The following TENM4 variants were observed in gnomAD, a reference collection of about 807,000 sequenced individuals.
TENM4 encodes the protein teneurin-4.
A neutral mutation model predicts 243.3 loss-of-function variants in TENM4; 82 were observed. That is an observed-to-expected ratio of 0.34 (90% CI 0.28 to 0.40). The LOEUF (loss-of-function observed/expected upper bound fraction) is 0.40, where lower values mean the gene tolerates loss of function less well. Among genes scored for constraint, TENM4 ranks in the 10% least tolerant of loss-of-function variants. TENM4 has a pLI of 1.00. For synonymous variants in TENM4, 1,412 were observed against 1,456.3 expected (o/e 0.97, Z 0.69); for missense variants, 3,138 against 3,673.3 (o/e 0.85, Z 3.77).
intron 12 of TENM4, among the ~76,000 whole-genome samples, chr11:78,850,086 T>TGTGC (rs5792822): frequency 3.9e-5 from 6 of 152,028 alleles, no homozygotes; most frequent in Non-Finnish European, 7.4e-5. Context: ...TGTGTGTGTG[T>TGTGC]AAATGCATCT....
intron 4 of TENM4, among the ~76,000 whole-genome samples, chr11:79,135,957 G>A (rs973737601): frequency 4.0e-5 from 6 of 151,756 alleles, no homozygotes; most frequent in Admixed American, 6.6e-5. Context: ...AACATTGTAT[G>A]TTCTCACTGG....
At chr11:79,116,194 TGG>T (rs1156547786) in intron 4 of TENM4, among the ~76,000 whole-genome samples, 2 of 152,210 alleles carry the variant, frequency 1.3e-5, no homozygotes, top group Non-Finnish European at 2.9e-5. Flanking sequence ...TGTTGTTGGG[TGG>T]GCATAGTAAA....
chr11:79,176,617 C>A (rs1196183281), intron 3 of TENM4, among the ~76,000 whole-genome samples: 2 of 152,186 alleles, frequency 1.3e-5, no homozygotes, highest in Non-Finnish European at 2.9e-5. Context: ...TTTACTCCTT[C>A]ATTTTTTAGT....
At chr11:78,881,029 A>T (rs1052981530) in intron 9 of TENM4, among the ~76,000 whole-genome samples, 5 of 152,202 alleles carry the variant, frequency 3.3e-5, no homozygotes, top group African/African-American at 1.2e-4. Context: ...ACAGTAGTAC[A>T]CTTAAAATGT....
At chr11:78,983,344 T>C (rs1244673372) in intron 6 of TENM4, among the ~76,000 whole-genome samples, 3 of 152,210 alleles carry the variant, frequency 2.0e-5, no homozygotes, top group African/African-American at 7.2e-5. Context: ...CAAACACTCT[T>C]AGTGCCTTAT....
chr11:78,831,757 G>A (rs1393519792), intron 12 of TENM4, among the ~76,000 whole-genome samples: 1 of 152,152 alleles, frequency 6.6e-6, no homozygotes, highest in Non-Finnish European at 1.5e-5. Flanking sequence ...AAGGCTCAAA[G>A]CAGCTTTATT....
In TENM4 at chr11:78,854,218, G is replaced by A. The variant is rs1405767852; in HGVS notation, c.1567C>T (p.Pro523Ser). 3 of 1,551,436 alleles carry A rather than the reference G, an allele frequency of 1.9e-6. No homozygotes were observed. Among genetic ancestry groups the A allele is most frequent in the East Asian group, 4.9e-5 (2 of 40,928 alleles). The part of the protein sequence containing the change: ...TPRQSRGTVP[P>S]SSHETGFIQY... ...ATGAAGCCTGTCTCATGGCTGGAGG[G>A]GGGCACAGTTCCCCGAGACTGGCGC... Residue 523 changes from proline to serine, a missense_variant, in exon 12 of 34, where the codon CCC (proline) becomes TCC (serine). Physicochemically the swap from Pro to Ser is moderately conservative, Grantham distance 74. Coordinates refer to ENST00000278550, the MANE Select transcript of TENM4 (RefSeq NM_001098816.3).
chr11:78,904,687 G>A (rs945107701), intron 6 of TENM4, among the ~76,000 whole-genome samples: 1 of 152,136 alleles, frequency 6.6e-6, no homozygotes, highest in African/African-American at 2.4e-5. Context: ...AGAACATTGA[G>A]ATACTTTATT....
At chr11:79,220,493 G>C (rs918251631) in intron 2 of TENM4, among the ~76,000 whole-genome samples, 4 of 152,134 alleles carry the variant, frequency 2.6e-5, no homozygotes, top group Admixed American at 1.3e-4. Flanking sequence ...TAATGGACTA[G>C]AGAGAATAAG....
chr11:79,389,398 CCTT>C (rs2135538180), intron 1 of TENM4, among the ~76,000 whole-genome samples: 1 of 152,324 alleles, frequency 6.6e-6, no homozygotes, highest in South Asian at 2.1e-4. Flanking sequence ...CTCAAGCAAT[CCTT>C]CTGCCTTGGC....
At chr11:79,049,254 C>A (rs1461225269) in intron 6 of TENM4, among the ~76,000 whole-genome samples, 2 of 152,182 alleles carry the variant, frequency 1.3e-5, no homozygotes, top group African/African-American at 2.4e-5. Flanking sequence ...CTGTGAGAGT[C>A]ATTTGGACAC....
chr11:79,001,138 C>T (rs1858312676), intron 6 of TENM4, among the ~76,000 whole-genome samples: 1 of 152,172 alleles, frequency 6.6e-6, no homozygotes, highest in Admixed American at 6.5e-5. Context: ...GATAAAAAAG[C>T]AAGATCCAAT....
chr11:79,347,096 A>C (rs772523334), intron 1 of TENM4, among the ~76,000 whole-genome samples: 5 of 152,206 alleles, frequency 3.3e-5, no homozygotes, highest in Non-Finnish European at 7.3e-5. Context: ...TTTCGCTTCC[A>C]AAATCAAAGG....
At chr11:79,052,755 A>T (rs1346565838) in intron 6 of TENM4, among the ~76,000 whole-genome samples, 1 of 152,186 alleles carries the variant, frequency 6.6e-6, no homozygotes, top group Non-Finnish European at 1.5e-5. Context: ...TTCAGCTGCC[A>T]CTGTGGCCAG....
intron 6 of TENM4, among the ~76,000 whole-genome samples, chr11:78,946,758 G>A (rs1210514057): frequency 2.0e-5 from 3 of 152,158 alleles, no homozygotes; most frequent in Admixed American, 6.5e-5. Context: ...CAGCTCTCAC[G>A]GGTGACTTTG....
chr11:78,760,726 C>G (rs1167231475), intron 18 of TENM4, among the ~76,000 whole-genome samples: 1 of 152,166 alleles, frequency 6.6e-6, no homozygotes, highest in Non-Finnish European at 1.5e-5. Flanking sequence ...CCCTTTCTCT[C>G]TAGTCTTCAG....
At chr11:79,121,538 C>A (rs572002571) in intron 4 of TENM4, among the ~76,000 whole-genome samples, 5 of 152,336 alleles carry the variant, frequency 3.3e-5, no homozygotes, top group South Asian at 4.1e-4. Context: ...AGTAGCCCAG[C>A]TCTTCCCTGG....
chr11:79,033,497 T>C (rs1859300533), intron 6 of TENM4, among the ~76,000 whole-genome samples: 1 of 152,198 alleles, frequency 6.6e-6, no homozygotes, highest in South Asian at 2.1e-4. Flanking sequence ...AGTATTATGG[T>C]CCCTGGTTCA....
chr11:79,227,101 G>T (rs562886629), intron 2 of TENM4, among the ~76,000 whole-genome samples: 1 of 152,114 alleles, frequency 6.6e-6, no homozygotes, highest in African/African-American at 2.4e-5. Flanking sequence ...CAGCAGCCAG[G>T]GTATCTTCAC....
Sources: gnomAD v4.1 joint callset for allele counts (sites outside exome capture counted in the v4.1 genomes callset) on GRCh38, gnomAD v4.1.1 for gene constraint, MANE v1.5 for transcripts, NCBI Gene and HGNC (gene_info 2026-07-23, HGNC 2026-07-21) for gene names.